The following GATA4 variants were observed in gnomAD, a reference collection of about 807,000 sequenced individuals.
GATA4 encodes transcription factor GATA-4.
GATA4 carries 7 observed loss-of-function variants against 37.9 expected under a neutral mutation model. The ratio of observed to expected loss-of-function variants is 0.18; its 90% CI spans 0.11 to 0.35. The LOEUF is 0.35. GATA4 is among the 10% of genes least tolerant of loss of function. The probability of loss-of-function intolerance (pLI) is 1.00; values close to 1 mark genes in which losing one functional copy is unlikely to be tolerated. For synonymous variants in GATA4, 372 were observed against 292.6 expected (o/e 1.27, Z -2.77); for missense variants, 647 against 653.0 (o/e 0.99, Z 0.10).
intron 2 of GATA4, among the ~76,000 whole-genome samples, chr8:11,733,849 GC>G (rs1165046660): frequency 2.0e-5 from 3 of 152,170 alleles, no homozygotes; most frequent in Non-Finnish European, 2.9e-5. Context: ...TATGAGACTT[GC>G]TTTGATCAAG....
At chr8:11,702,168 C>T (rs993262948), upstream of GATA4, among the ~76,000 whole-genome samples, 1 of 152,198 alleles carries the variant, frequency 6.6e-6, no homozygotes, top group African/African-American at 2.4e-5. This position sits in a 1 kb window ranked among gnomAD's most constrained non-coding sequence, Gnocchi z 4.4. Context: ...GGCGTAGGAG[C>T]GCCGCCTGTG....
upstream of GATA4, among the ~76,000 whole-genome samples, chr8:11,703,152 C>A (rs567582526): frequency 6.6e-6 from 1 of 151,808 alleles, no homozygotes; most frequent in Non-Finnish European, 1.5e-5. Context: ...TTGAGAAGCC[C>A]GTGCTGGAGA....
In GATA4 at chr8:11,749,041, A is replaced by G. The variant is rs2130307346; in HGVS notation, c.742A>G (p.Met248Val). ...LCNACGLYHK[M>V]NGINRPLIKP... ...CAACGCCTGCGGCCTCTACCACAAG[A>G]TGAACGGCATCAACCGGCCGCTCAT... Residue 248 changes from methionine to valine, a missense_variant, in exon 3 of 7, where the codon ATG becomes GTG. By Grantham distance (21) the Met-to-Val change is conservative. Transcript: ENST00000532059. This position sits in a 1 kb window ranked among gnomAD's most constrained non-coding sequence, Gnocchi z 4.6. The G allele has an allele frequency of 6.2e-7, 1 of 1,614,170 alleles. No homozygotes were observed. Among genetic ancestry groups the G allele is most frequent in the Non-Finnish European group, 8.5e-7 (1 of 1,180,034 alleles).
rs543526857 is a variant in GATA4 at position 11,749,235 on chromosome 8, A to C, written c.786+150A>C. ...CCCATAATAATTCTCACAACTTTAG[A>C]GTTAGCTGGAGCCACCAGAATGATC... is the stretch of plus-strand genomic sequence containing the variant. On this transcript the variant is annotated intron_variant, in intron 3 of 6. Coordinates refer to ENST00000532059, the MANE Select transcript of GATA4 (RefSeq NM_001308093.3). The surrounding 1 kb of genome is among the most constrained non-coding windows in gnomAD (Gnocchi z 4.6). The C allele has an allele frequency of 2.6e-6, 2 of 766,124 alleles. No individual in the cohort carries two copies. The highest frequency in any genetic ancestry group is 3.3e-5 in the South Asian group (2 of 61,458). The allele number at this position is 766,124 out of a possible 1,614,324, so 47.5% of individuals were successfully genotyped here. A position where few individuals can be genotyped will look rare whatever the true frequency, so the allele number is the denominator to read the frequency against.
At chr8:11,678,181 T>C (rs1372066253) in intron 1 of GATA4, among the ~76,000 whole-genome samples, 1 of 151,992 alleles carries the variant, frequency 6.6e-6, no homozygotes, top group Non-Finnish European at 1.5e-5. Context: ...TGCTCGCAGG[T>C]TGAAAGCAGA....
intron 1 of GATA4, among the ~76,000 whole-genome samples, chr8:11,693,550 CACACACACACACAGAG>C (rs1480101207): frequency 4.9e-4 from 57 of 115,788 alleles, no homozygotes; most frequent in African/African-American, 1.3e-3. Flanking sequence ...CACACACACA[CACACACACACACAGAG>C]AGAGAGAGAG....
At chr8:11,735,125 A>G (rs539017329) in intron 2 of GATA4, among the ~76,000 whole-genome samples, 9 of 152,240 alleles carry the variant, frequency 5.9e-5, no homozygotes, top group Non-Finnish European at 1.3e-4. Context: ...TTCTTTAAAA[A>G]CATCTGAAGG....
At chr8:11,685,457 A>G (rs987360664) in intron 1 of GATA4, among the ~76,000 whole-genome samples, 3 of 152,226 alleles carry the variant, frequency 2.0e-5, no homozygotes, top group Non-Finnish European at 4.4e-5. Flanking sequence ...CAGATCCAAG[A>G]CATGTCAGCC....
intron 2 of GATA4, among the ~76,000 whole-genome samples, chr8:11,718,607 C>T (rs1443881346): frequency 6.6e-5 from 10 of 152,236 alleles, no homozygotes; most frequent in Admixed American, 3.9e-4. Flanking sequence ...CCTTTGTACT[C>T]AAGCTTCCTC....
Position 11,709,939 on chromosome 8 carries a change from T to C in GATA4, c.616+1011T>C, listed in dbSNP as rs1336787131. The stretch of plus-strand genomic sequence containing the variant: ...GAAGAGACGGAGGAGTGAGTTTGGA[T>C]TGAGCCCACCCTGTGGGGGAGGGGA... On this transcript the variant is annotated intron_variant, in intron 2 of 6. Transcript: ENST00000532059. This position sits in a 1 kb window ranked among gnomAD's most constrained non-coding sequence, Gnocchi z 4.3. 6.6e-6 allele frequency among the ~76,000 whole-genome samples: 1 copy of C among 152,136 alleles called. No homozygotes were observed. The highest frequency in any genetic ancestry group is 1.5e-5 in the Non-Finnish European group (1 of 68,010).
intron 1 of GATA4, chr8:11,681,182 T>G (rs1351314705): frequency 6.1e-6 from 6 of 985,234 alleles, no homozygotes; most frequent in East Asian, 2.3e-4. Context: ...CGGGGGTTAG[T>G]CACAGGCCCT....
chr8:11,710,300 C>A (rs1800116950), intron 2 of GATA4, among the ~76,000 whole-genome samples: 1 of 152,172 alleles, frequency 6.6e-6, no homozygotes, highest in African/African-American at 2.4e-5. Context: ...GGAGGAGGGG[C>A]CCGGCCGAGC....
At chr8:11,728,268 C>T (rs1039857062) in intron 2 of GATA4, among the ~76,000 whole-genome samples, 2 of 152,236 alleles carry the variant, frequency 1.3e-5, no homozygotes, top group Admixed American at 6.5e-5. Context: ...GGATTACAGG[C>T]GTGAGCCTCT....
chr8:11,707,964 G>T lies in GATA4; in HGVS notation c.-349G>T, dbSNP rs1457262015. The T allele has an allele frequency of 8.7e-6, 3 of 345,408 alleles. No homozygotes were observed. The highest frequency in any genetic ancestry group is 1.7e-5 in the Non-Finnish European group (3 of 181,348). The allele number at this position is 345,408 out of a possible 1,614,324, so 21.4% of individuals were successfully genotyped here. A position where few individuals can be genotyped will look rare whatever the true frequency, so the allele number is the denominator to read the frequency against. ...TGACGAGTGGGGGACCCGAAGGCTC[G>T]TGCGCCACCTCCAGGCCTGGACGCT... On this transcript the variant is annotated 5_prime_UTR_variant, in exon 2 of 7. Transcript: ENST00000532059. The surrounding 1 kb of genome is among the most constrained non-coding windows in gnomAD (Gnocchi z 4.7).
At chr8:11,756,906 T>A (rs1802598420) in intron 5 of GATA4, 29 bp from the exon 6 acceptor site, 1 of 1,614,074 alleles carries the variant, frequency 6.2e-7, no homozygotes, top group Non-Finnish European at 8.5e-7. Context: ...TGCCGCTGAT[T>A]TGGGTGTGCT....
chr8:11,686,194 C>G (rs1447535393), intron 1 of GATA4, among the ~76,000 whole-genome samples: 1 of 147,222 alleles, frequency 6.8e-6, no homozygotes, highest in Non-Finnish European at 1.5e-5. Flanking sequence ...AGGAGACCTT[C>G]AAAAGATCTT....
In GATA4 at chr8:11,697,775, C is replaced by G. The variant is rs887617953; in HGVS notation, c.-728-2733C>G. The G allele has an allele frequency of 7.1e-6, 7 of 985,362 alleles. No homozygotes were observed. The Admixed American group carries it at 1.8e-4, about 26-fold the overall frequency. 61.0% of individuals were successfully genotyped at this position (985,362 alleles called of 1,614,324 possible). On this transcript the variant is annotated intron_variant, in intron 1 of 2. Transcript: ENST00000526974. ...CGCGGCGCCTGCCTGGGCGTCTTCT[C>G]CAACTCCGGGTCACCTCGGGGCGAG... is the stretch of plus-strand genomic sequence containing the variant.
At chr8:11,720,286 C>G (rs1248878250) in intron 2 of GATA4, among the ~76,000 whole-genome samples, 1 of 152,022 alleles carries the variant, frequency 6.6e-6, no homozygotes, top group Non-Finnish European at 1.5e-5. Context: ...CTGACTTTGT[C>G]TTTCCCGGTA....
At chr8:11,744,236 G>T (rs1801918703) in intron 2 of GATA4, among the ~76,000 whole-genome samples, 1 of 152,112 alleles carries the variant, frequency 6.6e-6, no homozygotes, top group Admixed American at 6.5e-5. Context: ...ACTCCCTCCT[G>T]ACCCCTCCAA....
Sources: gnomAD v4.1 joint callset for allele counts (sites outside exome capture counted in the v4.1 genomes callset) on GRCh38, gnomAD v4.1.1 for gene constraint, Gnocchi (gnomAD v3.1) non-coding constraint, MANE v1.5 for transcripts, NCBI Gene and HGNC (gene_info 2026-07-23, HGNC 2026-07-21) for gene names.